The following ANGPT1 variants were observed in gnomAD, a reference collection of about 807,000 sequenced individuals.
ANGPT1 encodes the protein angiopoietin-1.
Under a neutral mutation model 62.2 loss-of-function variants are expected in ANGPT1, and 17 were observed. That is an observed-to-expected ratio of 0.27 (90% CI 0.19 to 0.41). The LOEUF is 0.41. ANGPT1 is among the 10% of genes least tolerant of loss of function. The pLI, the probability that ANGPT1 is intolerant of heterozygous loss-of-function variation, is 1.00. For synonymous variants in ANGPT1, 199 were observed against 198.9 expected (o/e 1.00, Z 0.00); for missense variants, 478 against 594.9 (o/e 0.80, Z 2.04).
intron 1 of ANGPT1, among the ~76,000 whole-genome samples, chr8:107,434,805 G>T (rs1344731046): frequency 3.3e-5 from 5 of 151,988 alleles, no homozygotes. Context: ...TATTTGAAAT[G>T]GTTTTTCCCT....
chr8:107,481,729 T>C (rs1812692309), intron 1 of ANGPT1, among the ~76,000 whole-genome samples: 1 of 152,072 alleles, frequency 6.6e-6, no homozygotes, highest in Non-Finnish European at 1.5e-5. Context: ...AAGGCATCTC[T>C]TCACAGGGCT....
chr8:107,311,484 C>T (rs1041725943), intron 4 of ANGPT1, among the ~76,000 whole-genome samples: 2 of 151,894 alleles, frequency 1.3e-5, no homozygotes, highest in African/African-American at 2.4e-5. Flanking sequence ...ATATATTGCC[C>T]ATGATATATA....
intron 7 of ANGPT1, among the ~76,000 whole-genome samples, chr8:107,279,438 TG>T (rs1813944594): frequency 2.0e-5 from 3 of 152,308 alleles, no homozygotes; most frequent in South Asian, 4.1e-4. Flanking sequence ...GTATGTGTTT[TG>T]GGTTTATTTA....
chr8:107,298,004 G>C (rs1487257948), intron 5 of ANGPT1, among the ~76,000 whole-genome samples: 1 of 151,792 alleles, frequency 6.6e-6, no homozygotes, highest in African/African-American at 2.4e-5. Context: ...TCCTTCCTGT[G>C]GACAAGACCC....
At position 107,279,774 on chromosome 8, in the gene ANGPT1, G is replaced by T. The variant is rs983114012; in HGVS notation, c.1205+4908C>A. Among the ~76,000 whole-genome samples, 10 of 145,826 alleles carry T rather than the reference G, an allele frequency of 6.9e-5. No individual in the cohort carries two copies. The East Asian group carries it at 9.7e-4, about 14-fold the overall frequency. On this transcript the variant is annotated intron_variant, in intron 7 of 8. Transcript: ENST00000517746. ...ACACACACACACACTCAAAGGAAGG[G>T]GGGGGGAGAGAGAGAGCACAAGTTA...
At chr8:107,421,850 T>A (rs1320939540) in intron 1 of ANGPT1, among the ~76,000 whole-genome samples, 1 of 152,204 alleles carries the variant, frequency 6.6e-6, no homozygotes, top group East Asian at 1.9e-4. Context: ...GTGAGTTTTC[T>A]AACATTGTCC....
At chr8:107,333,926 G>T (rs1815484191) in intron 3 of ANGPT1, among the ~76,000 whole-genome samples, 1 of 135,592 alleles carries the variant, frequency 7.4e-6, no homozygotes, top group African/African-American at 2.7e-5. Flanking sequence ...TAAAGAGAAA[G>T]AAAGAAAGAA....
rs934928163 is a variant in ANGPT1, at chr8:107,251,220, T to A, written c.*635A>T. The A allele has an allele frequency of 3.3e-5, 5 of 152,298 alleles. No individual in the cohort carries two copies. Among genetic ancestry groups the A allele is most frequent in the African/African-American group, 1.2e-4 (5 of 41,432 alleles). 9.4% of individuals were successfully genotyped at this position (152,298 alleles called of 1,614,324 possible). A position where few individuals can be genotyped will look rare whatever the true frequency, so the allele number is the denominator to read the frequency against. On this transcript the variant is annotated 3_prime_UTR_variant, in exon 9 of 9. Transcript: ENST00000517746. The stretch of plus-strand genomic sequence containing the variant: ...ACACTTATTGTCCATGTACTACAGT[T>A]CATTATGGCTTACAAAAATGGAATT...
intron 7 of ANGPT1, among the ~76,000 whole-genome samples, chr8:107,264,683 A>C (rs1813573136): frequency 6.6e-6 from 1 of 152,210 alleles, no homozygotes; most frequent in Non-Finnish European, 1.5e-5. Context: ...CACTCCCTTA[A>C]TCCATTAATA....
intron 1 of ANGPT1, among the ~76,000 whole-genome samples, chr8:107,486,146 T>C (rs935806587): frequency 1.3e-5 from 2 of 152,184 alleles, no homozygotes; most frequent in Non-Finnish European, 1.5e-5. Flanking sequence ...ACATTTAGTA[T>C]GAAAGAATTA....
At chr8:107,455,844 TC>T (rs1037934686) in intron 1 of ANGPT1, among the ~76,000 whole-genome samples, 39 of 152,060 alleles carry the variant, frequency 2.6e-4, no homozygotes, top group African/African-American at 8.9e-4. Context: ...AGAACCTCCC[TC>T]CTCATTAGTC....
intron 7 of ANGPT1, among the ~76,000 whole-genome samples, chr8:107,281,691 T>C (rs577565762): frequency 2.6e-5 from 4 of 152,050 alleles, no homozygotes; most frequent in Admixed American, 2.6e-4. Context: ...GGCGGGAGAA[T>C]TGCTTGAACC....
chr8:107,332,925 AT>A (rs1815456957), intron 3 of ANGPT1, among the ~76,000 whole-genome samples: 3 of 152,238 alleles, frequency 2.0e-5, no homozygotes. Flanking sequence ...CATATAAGGA[AT>A]AACCAGTGGT....
chr8:107,284,403 C>CT, intron 7 of ANGPT1: 1 of 205,058 alleles, frequency 4.9e-6, no homozygotes, highest in Non-Finnish European at 9.7e-6. Context: ...TTCACTGCAA[C>CT]TGCATGATAA....
chr8:107,255,706 T>C (rs1396701957), intron 8 of ANGPT1, among the ~76,000 whole-genome samples: 4 of 152,202 alleles, frequency 2.6e-5, no homozygotes, highest in African/African-American at 9.6e-5. Flanking sequence ...ACATTCATAA[T>C]ACATAGATTC....
At chr8:107,479,367 T>C (rs1385396640) in intron 1 of ANGPT1, among the ~76,000 whole-genome samples, 1 of 152,182 alleles carries the variant, frequency 6.6e-6, no homozygotes, top group Admixed American at 6.6e-5. Context: ...GTATTTACTG[T>C]TATGCTCTTT....
intron 5 of ANGPT1, among the ~76,000 whole-genome samples, chr8:107,297,568 CTA>C (rs202020364): frequency 0.13 from 19,282 of 148,476 alleles, 1,687 homozygotes; most frequent in Middle Eastern, 0.27. Context: ...ATTTAATATA[CTA>C]TAGTTATATA....
intron 2 of ANGPT1, among the ~76,000 whole-genome samples, chr8:107,338,875 G>A (rs1490441718): frequency 6.6e-6 from 1 of 152,088 alleles, no homozygotes; most frequent in African/African-American, 2.4e-5. Context: ...ACAAAGCTTG[G>A]CACAGAGACA....
chr8:107,477,223 T>C (rs544687123), intron 1 of ANGPT1, among the ~76,000 whole-genome samples: 2 of 152,298 alleles, frequency 1.3e-5, no homozygotes, highest in African/African-American at 4.8e-5. Flanking sequence ...ATATGTCCAT[T>C]CACCTCTCCA....
Sources: allele counts gnomAD v4.1 joint callset (sites outside exome capture counted in the v4.1 genomes callset), GRCh38; gene constraint gnomAD v4.1.1; transcripts MANE v1.5; gene names NCBI Gene and HGNC (gene_info 2026-07-23, HGNC 2026-07-21).